Variants in REPS1 observed in about 807,000 individuals in gnomAD.
REPS1 encodes the protein RALBP1 associated Eps domain containing 1.
In REPS1, 39 loss-of-function variants were observed where a neutral mutation model predicts 100.9. The observed-to-expected ratio is 0.39, with a 90% CI of 0.30 to 0.50. The LOEUF is 0.50. REPS1 is among the 20% of genes least tolerant of loss of function. The pLI, the probability that REPS1 is intolerant of heterozygous loss-of-function variation, is 0.86. For synonymous variants in REPS1, 324 were observed against 340.3 expected (o/e 0.95, Z 0.53); for missense variants, 821 against 968.5 (o/e 0.85, Z 2.02).
chr6:138,942,312 G>C (rs1460780871), intron 7 of REPS1, among the ~76,000 whole-genome samples: 2 of 152,074 alleles, frequency 1.3e-5, no homozygotes, highest in African/African-American at 4.8e-5. Context: ...TGAGTTTTCA[G>C]TTTTAGGTGT....
chr6:138,950,952 A>T (rs1367577641), intron 1 of REPS1: 2 of 152,304 alleles, frequency 1.3e-5, no homozygotes, highest in South Asian at 4.1e-4. Context: ...GCACTTTGGG[A>T]GCCAAGGTGG....
At chr6:138,916,192 A>C (rs1202692112) in intron 13 of REPS1, 5 of 468,870 alleles carry the variant, frequency 1.1e-5, no homozygotes, top group African/African-American at 2.1e-5. Context: ...TTTTTAATAA[A>C]GTTATTAAGC....
chr6:138,967,230 A>G (rs796094531), intron 1 of REPS1, among the ~76,000 whole-genome samples: 2 of 152,246 alleles, frequency 1.3e-5, no homozygotes, highest in South Asian at 4.1e-4. Context: ...ACTGTAAGAA[A>G]TAAACTTTTT....
At chr6:138,979,206 A>C (rs1374533585) in intron 1 of REPS1, among the ~76,000 whole-genome samples, 2 of 149,908 alleles carry the variant, frequency 1.3e-5, no homozygotes, top group East Asian at 2.0e-4. Flanking sequence ...AACAAAAAAA[A>C]AAAACTGAAG....
At chr6:138,969,858 G>GGTTTTT (rs1220944214) in intron 1 of REPS1, among the ~76,000 whole-genome samples, 1 of 96,798 alleles carries the variant, frequency 1.0e-5, no homozygotes, top group African/African-American at 4.5e-5. Context: ...TGTGAATTGG[G>GGTTTTT]ATTTTTTTTT....
chr6:138,907,330 GT>G, intron 19 of REPS1, 164 bp downstream of exon 19: 2 of 489,660 alleles, frequency 4.1e-6, no homozygotes, highest in South Asian at 2.3e-5. Context: ...GTGTGTGTGT[GT>G]GTGTGTGTGG....
intron 1 of REPS1, 84 bp from the exon 2 acceptor site, chr6:138,947,997 C>T (rs558799302): frequency 1.1e-5 from 14 of 1,265,100 alleles, no homozygotes; most frequent in Admixed American, 5.4e-5. Flanking sequence ...TTGTTTGTAA[C>T]GTCTCAAAAT....
rs912634436 is a variant in REPS1, at chr6:138,954,115, GA to G, written c.154-6203del. 3.1e-3 allele frequency among the ~76,000 whole-genome samples: 447 copies of G among 143,608 alleles called. 3 individuals are homozygous for G. Among genetic ancestry groups the G allele is most frequent in the African/African-American group, 9.6e-3 (378 of 39,456 alleles). The allele number at this position is 143,608 out of a possible 152,430, so 94.2% of individuals were successfully genotyped here. A position where few individuals can be genotyped will look rare whatever the true frequency, so the allele number is the denominator to read the frequency against. On this transcript the variant is annotated intron_variant, in intron 1 of 19. Transcript: ENST00000450536. Reference sequence around the variant, plus strand: ...GAACAGAAAATTAAACTCATATGTGGAAAAAAAAAAAAGTTGATCTCATAGA... The same window carrying G: ...GAACAGAAAATTAAACTCATATGTGGAAAAAAAAAAAGTTGATCTCATAGA...
chr6:138,933,134 TAAGA>T (rs1781587091), intron 8 of REPS1, among the ~76,000 whole-genome samples: 1 of 152,244 alleles, frequency 6.6e-6, no homozygotes, highest in Non-Finnish European at 1.5e-5. Flanking sequence ...AAGTAACCTT[TAAGA>T]AATACCATTT....
Position 138,976,429 on chromosome 6 carries a change from T to C in REPS1, c.153+11101A>G, listed in dbSNP as rs148003072. Among the ~76,000 whole-genome samples, 571 of 152,250 alleles carry C rather than the reference T, an allele frequency of 3.8e-3. 7 individuals are homozygous for C. The highest frequency in any genetic ancestry group is 0.013 in the African/African-American group (551 of 41,550). ...ATACAAAGACACCAAATCAGTCCCT[T>C]TAAGTAACATTAGAATGGCCCACAA... On this transcript the variant is annotated intron_variant, in intron 1 of 19. Coordinates refer to ENST00000450536, the MANE Select transcript of REPS1 (RefSeq NM_001286611.2).
chr6:138,931,292 C>T (rs1441840830), intron 8 of REPS1, among the ~76,000 whole-genome samples: 1 of 152,072 alleles, frequency 6.6e-6, no homozygotes, highest in African/African-American at 2.4e-5. Context: ...AGTTTTAGTG[C>T]CTAACATAGG....
chr6:138,979,198 C>CA lies in REPS1; in HGVS notation c.153+8331dup, dbSNP rs1277794755. Reference sequence around the variant, plus strand: ...TCCATCACAAAAAAAAAAAAAAAAACAAAAAAAAAAAACTGAAGAAGTATC... The same window carrying CA: ...TCCATCACAAAAAAAAAAAAAAAAACAAAAAAAAAAAAACTGAAGAAGTATC... On this transcript the variant is annotated intron_variant, in intron 1 of 19. Coordinates refer to ENST00000450536, the MANE Select transcript of REPS1 (RefSeq NM_001286611.2). 4.0e-3 allele frequency among the ~76,000 whole-genome samples: 370 copies of CA among 91,744 alleles called. 3 individuals are homozygous for CA. Among genetic ancestry groups the CA allele is most frequent in the African/African-American group, 0.01 (203 of 19,804 alleles). The allele number at this position is 91,744 out of a possible 152,430, so 60.2% of individuals were successfully genotyped here.
At chr6:138,942,089 C>A (rs1782296642) in intron 7 of REPS1, among the ~76,000 whole-genome samples, 1 of 152,132 alleles carries the variant, frequency 6.6e-6, no homozygotes, top group Non-Finnish European at 1.5e-5. Context: ...ATGTGATCCA[C>A]CTGCCTTGGG....
At chr6:138,935,200 T>C (rs112868387) in intron 8 of REPS1, among the ~76,000 whole-genome samples, 318 of 152,260 alleles carry the variant, frequency 2.1e-3, no homozygotes, top group African/African-American at 7.1e-3. Context: ...AAACTAATTG[T>C]TTTCAATTAA....
At chr6:138,975,042 C>A (rs1356672536) in intron 1 of REPS1, among the ~76,000 whole-genome samples, 1 of 151,848 alleles carries the variant, frequency 6.6e-6, no homozygotes, top group African/African-American at 2.4e-5. Context: ...AGTGAATGGC[C>A]TCATTCAGGA....
intron 1 of REPS1, among the ~76,000 whole-genome samples, chr6:138,949,823 AG>A (rs1782893999): frequency 6.6e-6 from 1 of 152,204 alleles, no homozygotes; most frequent in African/African-American, 2.4e-5. Context: ...GAGCATCCTC[AG>A]GAAGGAAAGA....
intron 10 of REPS1, among the ~76,000 whole-genome samples, chr6:138,922,680 G>GCCCA (rs1780855533): frequency 6.6e-6 from 1 of 152,176 alleles, no homozygotes; most frequent in African/African-American, 2.4e-5. Flanking sequence ...CACCAAGGGG[G>GCCCA]CCCAGCTCCT....
intron 1 of REPS1, among the ~76,000 whole-genome samples, chr6:138,987,067 C>T (rs1444784880): frequency 6.6e-6 from 1 of 152,142 alleles, no homozygotes; most frequent in East Asian, 1.9e-4. Flanking sequence ...AAAAAAACTG[C>T]TTCTTCGATT....
At chr6:138,933,620 G>C (rs891735314) in intron 8 of REPS1, among the ~76,000 whole-genome samples, 16 of 152,030 alleles carry the variant, frequency 1.1e-4, no homozygotes, top group Non-Finnish European at 2.4e-4. Flanking sequence ...TGACAATTTC[G>C]TTGTCTTCTA....
Sources: allele counts gnomAD v4.1 joint callset (sites outside exome capture counted in the v4.1 genomes callset), GRCh38; gene constraint gnomAD v4.1.1; transcripts MANE v1.5; gene names NCBI Gene and HGNC (gene_info 2026-07-23, HGNC 2026-07-21).